NRXN1: variants seen among roughly 807,000 people sequenced by gnomAD.
NRXN1 encodes neurexin-1.
In NRXN1, 39 loss-of-function variants were observed where a neutral mutation model predicts 150.9. The ratio of observed to expected loss-of-function variants is 0.26; its 90% CI spans 0.20 to 0.34. NRXN1 has a LOEUF of 0.34. Ranked by LOEUF, NRXN1 falls within the 10% of genes least tolerant of loss-of-function variation. The pLI, the probability that NRXN1 is intolerant of heterozygous loss-of-function variation, is 1.00. For synonymous variants in NRXN1, 924 were observed against 757.0 expected, an observed-to-expected ratio of 1.22 and a Z score of -3.62; for missense variants, 1,815 against 1,949.9, an observed-to-expected ratio of 0.93 and a Z score of 1.30.
intron 5 of NRXN1, among the ~76,000 whole-genome samples, chr2:50,897,138 A>G (rs1682100161): frequency 6.6e-6 from 1 of 152,226 alleles, no homozygotes; most frequent in Admixed American, 6.5e-5. Context: ...TTTGGTGTTA[A>G]GCAGCTCTAC....
At chr2:50,383,309 A>C (rs2081100262) in intron 17 of NRXN1, among the ~76,000 whole-genome samples, 1 of 152,120 alleles carries the variant, frequency 6.6e-6, no homozygotes, top group African/African-American at 2.4e-5. Flanking sequence ...CCTGTTTTCC[A>C]TTCAGATTCA....
chr2:50,151,299 C>G (rs904079233), intron 18 of NRXN1, among the ~76,000 whole-genome samples: 2 of 151,664 alleles, frequency 1.3e-5, no homozygotes, highest in African/African-American at 4.8e-5. Flanking sequence ...ACAAACCAAA[C>G]AATTCTAATC....
intron 5 of NRXN1, among the ~76,000 whole-genome samples, chr2:50,896,664 T>G (rs1287326610): frequency 1.3e-5 from 2 of 152,020 alleles, no homozygotes; most frequent in Non-Finnish European, 2.9e-5. Flanking sequence ...CTGGCCAACA[T>G]GGCGAAACGC....
chr2:50,278,102 T>C (rs1420125527), intron 17 of NRXN1, among the ~76,000 whole-genome samples: 1 of 138,204 alleles, frequency 7.2e-6, no homozygotes, highest in Non-Finnish European at 1.5e-5. Context: ...GAAGTCTCAC[T>C]CTGTTACCCA....
intron 18 of NRXN1, among the ~76,000 whole-genome samples, chr2:50,131,910 C>A (rs1252711297): frequency 6.6e-6 from 1 of 151,380 alleles, no homozygotes; most frequent in East Asian, 1.9e-4. Context: ...GACGGTCCAA[C>A]AGCTCTATTG....
rs192683004 is a variant in NRXN1 at position 50,100,245 on chromosome 2, T to C, written c.3547-8751A>G. On this transcript the variant is annotated intron_variant, in intron 18 of 22. Coordinates refer to ENST00000401669, the MANE Select transcript of NRXN1 (RefSeq NM_001330078.2). ...TGTTTCTTCCCAAGAAAGTATAATC[T>C]CTGATGGAAGCGCTTGCCATTATTG... 2.8e-3 allele frequency among the ~76,000 whole-genome samples: 421 copies of C among 152,174 alleles called. 2 individuals carry two copies. The highest frequency in any genetic ancestry group is 9.6e-3 in the African/African-American group (400 of 41,548).
chr2:50,917,804 A>G lies in NRXN1; in HGVS notation c.832+4065T>C, dbSNP rs908775902. The stretch of plus-strand genomic sequence containing the variant: ...AGTTTCTGTTACTTACAAGCTACCC[A>G]GTTTATGGTATTTTTATATAGAAGC... On this transcript the variant is annotated intron_variant, in intron 5 of 22. Coordinates refer to ENST00000401669, the MANE Select transcript of NRXN1 (RefSeq NM_001330078.2). 5 of 151,798 alleles carry G rather than the reference A, an allele frequency of 3.3e-5. No individual in the cohort carries two copies. The South Asian group carries it at 1.0e-3, about 31-fold the overall frequency. The allele number at this position is 151,798 out of a possible 1,614,324, so 9.4% of individuals were successfully genotyped here.
intron 5 of NRXN1, among the ~76,000 whole-genome samples, chr2:50,884,079 C>A (rs1010893879): frequency 2.0e-5 from 3 of 151,580 alleles, no homozygotes; most frequent in Non-Finnish European, 4.4e-5. Context: ...ATATAAAGCA[C>A]AAAAAAATGT....
chr2:50,479,594 CTGAA>C (rs2090278754), intron 15 of NRXN1, among the ~76,000 whole-genome samples: 2 of 148,110 alleles, frequency 1.4e-5, no homozygotes, highest in South Asian at 4.3e-4. Flanking sequence ...TGTTGACTCA[CTGAA>C]TGAATGGATG....
chr2:50,535,618 A>T lies in NRXN1; in HGVS notation c.2143+2635T>A, dbSNP rs914894926. Among the ~76,000 whole-genome samples, 14 of 152,354 alleles carry T rather than the reference A, an allele frequency of 9.2e-5. No homozygotes were observed. In the South Asian group the frequency reaches 2.9e-3, roughly 32 times the overall value. ...CTCCACAAATTCTCAGTTTTATTAA[A>T]AATAAAGCAGAAGGGAAGGCGCTAA... On this transcript the variant is annotated intron_variant, in intron 10 of 22. Transcript: ENST00000401669.
At chr2:50,799,217 T>A (rs1209817364) in intron 5 of NRXN1, among the ~76,000 whole-genome samples, 1 of 152,196 alleles carries the variant, frequency 6.6e-6, no homozygotes, top group Non-Finnish European at 1.5e-5. Flanking sequence ...AATGGATGAG[T>A]TATTTGTGTA....
chr2:50,934,790 T>C (rs1348415332), intron 2 of NRXN1, among the ~76,000 whole-genome samples: 2 of 152,198 alleles, frequency 1.3e-5, no homozygotes, highest in African/African-American at 4.8e-5. Context: ...ATGGAGAACT[T>C]TGTAATATTT....
intron 12 of NRXN1, among the ~76,000 whole-genome samples, chr2:50,518,554 A>C (rs60901813): frequency 0.19 from 28,670 of 151,898 alleles, 3,615 homozygotes; most frequent in East Asian, 0.38. Flanking sequence ...TGAATAAAAA[A>C]AAATCAAAAA....
chr2:51,029,521 A>C (rs1158019850), intron 1 of NRXN1, among the ~76,000 whole-genome samples: 1 of 152,218 alleles, frequency 6.6e-6, no homozygotes, highest in Non-Finnish European at 1.5e-5. Flanking sequence ...AGGGGAGAAC[A>C]AATGCTTTTA....
intron 17 of NRXN1, among the ~76,000 whole-genome samples, chr2:50,268,109 G>C (rs2069115499): frequency 6.6e-6 from 1 of 152,150 alleles, no homozygotes. Flanking sequence ...AGATTTGCTT[G>C]AACCCGGAAG....
chr2:50,356,384 C>G (rs1455488256), intron 17 of NRXN1, among the ~76,000 whole-genome samples: 1 of 152,140 alleles, frequency 6.6e-6, no homozygotes, highest in African/African-American at 2.4e-5. Flanking sequence ...TGCTCCAAAA[C>G]ATTTATTCTT....
Position 50,587,488 on chromosome 2 carries a change from A to G in NRXN1, c.1320+32534T>C, listed in dbSNP as rs185398740. On this transcript the variant is annotated intron_variant, in intron 8 of 22. Coordinates refer to ENST00000401669, the MANE Select transcript of NRXN1 (RefSeq NM_001330078.2). ...TGACAAAGCAAGACCCTGTCTTAAA[A>G]AAAGAATCCCTGTTTTCCCTATTGC... Among the ~76,000 whole-genome samples, 419 of 152,254 alleles carry G rather than the reference A, an allele frequency of 2.8e-3. 4 individuals carry two copies. The highest frequency in any genetic ancestry group is 9.8e-3 in the African/African-American group (409 of 41,558).
intron 5 of NRXN1, among the ~76,000 whole-genome samples, chr2:50,724,212 G>GAA (rs34664620): frequency 6.6e-6 from 1 of 151,880 alleles, no homozygotes; most frequent in Non-Finnish European, 1.5e-5. Flanking sequence ...ATCCAGAAAA[G>GAA]AAAAAATGAG....
At chr2:50,839,480 G>A (rs959410718) in intron 5 of NRXN1, among the ~76,000 whole-genome samples, 4 of 151,930 alleles carry the variant, frequency 2.6e-5, no homozygotes, top group Admixed American at 6.6e-5. Context: ...CAGATATCAC[G>A]GAACATCTCC....
Sources: gnomAD v4.1 joint callset for allele counts (sites outside exome capture counted in the v4.1 genomes callset) on GRCh38, gnomAD v4.1.1 for gene constraint, MANE v1.5 for transcripts, NCBI Gene and HGNC (gene_info 2026-07-23, HGNC 2026-07-21) for gene names.